KAT6B: variants seen among roughly 807,000 people sequenced by gnomAD.
The protein encoded by KAT6B is histone acetyltransferase KAT6B.
Under a neutral mutation model 187.5 loss-of-function variants are expected in KAT6B, and 10 were observed. The observed-to-expected ratio is 0.05, with a 90% CI of 0.03 to 0.09. KAT6B has a LOEUF of 0.09. Among genes scored for constraint, KAT6B ranks in the 10% least tolerant of loss-of-function variants. KAT6B has a pLI of 1.00. For missense variants in KAT6B, 1,952 were observed against 2,558.9 expected (o/e 0.76, Z 5.12); for synonymous variants, 861 against 926.8 (o/e 0.93, Z 1.29).
intron 3 of KAT6B, among the ~76,000 whole-genome samples, chr10:74,958,636 A>G (rs940955308): frequency 6.6e-6 from 1 of 152,214 alleles, no homozygotes; most frequent in Non-Finnish European, 1.5e-5. Context: ...GTAAATAACA[A>G]TGGAAATACT....
At chr10:75,013,972 G>A (rs1351201014) in intron 13 of KAT6B, among the ~76,000 whole-genome samples, 2 of 152,192 alleles carry the variant, frequency 1.3e-5, no homozygotes, top group Admixed American at 6.5e-5. Context: ...CGGGTGCCCT[G>A]TTACCCAGCT....
chr10:74,833,838 G>T (rs936149160), intron 1 of KAT6B, among the ~76,000 whole-genome samples: 1 of 152,212 alleles, frequency 6.6e-6, no homozygotes, highest in Non-Finnish European at 1.5e-5. Flanking sequence ...TTGTTAATGA[G>T]TAGTGGGAAA....
At position 74,956,090 on chromosome 10, in the gene KAT6B, A is replaced by AT. The variant is rs577194206; in HGVS notation, c.622-3873dup. ...AGGCATGCGCCACCATGCCTGCCTA[A>AT]TTTTTTTATTTTGTAGAGCTGGGGT... On this transcript the variant is annotated intron_variant, in intron 3 of 17. Coordinates refer to ENST00000287239, the MANE Select transcript of KAT6B (RefSeq NM_012330.4). 3.3e-5 allele frequency among the ~76,000 whole-genome samples: 5 copies of AT among 151,964 alleles called. No individual in the cohort carries two copies. The East Asian group carries it at 9.7e-4, about 29-fold the overall frequency.
At chr10:74,971,255 T>G (rs1841830957) in intron 6 of KAT6B, among the ~76,000 whole-genome samples, 1 of 152,212 alleles carries the variant, frequency 6.6e-6, no homozygotes, top group Non-Finnish European at 1.5e-5. Flanking sequence ...TTGAAATAAA[T>G]TCCTAGAGGA....
At chr10:74,865,706 G>A (rs1843507186) in intron 3 of KAT6B, among the ~76,000 whole-genome samples, 1 of 152,020 alleles carries the variant, frequency 6.6e-6, no homozygotes, top group African/African-American at 2.4e-5. Flanking sequence ...AGTAGAGAGG[G>A]AGTTTCACTG....
At chr10:74,972,077 A>G (rs1291413362) in intron 6 of KAT6B, among the ~76,000 whole-genome samples, 1 of 152,138 alleles carries the variant, frequency 6.6e-6, no homozygotes, top group Non-Finnish European at 1.5e-5. Context: ...ATTATATTTT[A>G]TACTGATAAT....
Position 75,031,109 on chromosome 10 carries a change from T to A in KAT6B, c.*63T>A. ...TATTGGATTGATCTGCACAAATACC[T>A]TTGAAGAGTACGATTTCAAAACCAG... is the stretch of plus-strand genomic sequence containing the variant. On this transcript the variant is annotated 3_prime_UTR_variant, in exon 18 of 18. Transcript: ENST00000287239. The A allele has an allele frequency of 6.3e-7, 1 of 1,581,488 alleles. No individual in the cohort carries two copies. Among genetic ancestry groups the A allele is most frequent in the Non-Finnish European group, 8.6e-7 (1 of 1,157,846 alleles).
At chr10:74,969,022 T>C (rs1841676732) in intron 4 of KAT6B, among the ~76,000 whole-genome samples, 1 of 152,190 alleles carries the variant, frequency 6.6e-6, no homozygotes, top group Non-Finnish European at 1.5e-5. Flanking sequence ...CCTGGATCTC[T>C]CAGCTTCTTA....
At position 75,032,176 on chromosome 10, in the gene KAT6B, C is replaced by T. The variant is rs1312316885; in HGVS notation, c.*1130C>T. The T allele has an allele frequency of 5.1e-6, 1 of 194,550 alleles. No homozygotes were observed. The highest frequency in any genetic ancestry group is 2.3e-5 in the African/African-American group (1 of 43,090). The allele number at this position is 194,550 out of a possible 1,614,324, so 12.1% of individuals were successfully genotyped here. A position where few individuals can be genotyped will look rare whatever the true frequency, so the allele number is the denominator to read the frequency against. On this transcript the variant is annotated 3_prime_UTR_variant, in exon 18 of 18. Transcript: ENST00000287239. Reference sequence around the variant, plus strand: ...CGTAATCCTTGTATAAAATAGGATCCAGCGACACTCTTGTATTTATCTGTT... The same window carrying T: ...CGTAATCCTTGTATAAAATAGGATCTAGCGACACTCTTGTATTTATCTGTT...
chr10:74,988,938 T>G, intron 12 of KAT6B, 81 bp from the exon 13 acceptor site: 2 of 968,240 alleles, frequency 2.1e-6, no homozygotes, highest in Admixed American at 3.4e-5. Context: ...GTGGACAGTT[T>G]TACAAGGACA....
chr10:74,891,697 T>C (rs1845654723), intron 3 of KAT6B, among the ~76,000 whole-genome samples: 1 of 152,236 alleles, frequency 6.6e-6, no homozygotes, highest in Non-Finnish European at 1.5e-5. Context: ...ATTTTTTTGT[T>C]GACTCTGACT....
At position 74,954,790 on chromosome 10, in the gene KAT6B, A is replaced by G. The variant is rs567840183; in HGVS notation, c.622-5180A>G. ...TTAATCTAGCGATTCTTCTGTATCT[A>G]TTTTTTGCTCGCCTATTCACTTGGT... On this transcript the variant is annotated intron_variant, in intron 3 of 17. Transcript: ENST00000287239. 3.3e-5 allele frequency among the ~76,000 whole-genome samples: 5 copies of G among 152,132 alleles called. No individual in the cohort carries two copies. In the South Asian group the frequency reaches 6.2e-4, roughly 19 times the overall value.
chr10:74,828,809 T>C (rs1246438247), intron 1 of KAT6B, among the ~76,000 whole-genome samples: 1 of 151,952 alleles, frequency 6.6e-6, no homozygotes, highest in Admixed American at 6.5e-5. Context: ...CCTTGTGATC[T>C]GCCCGCCTCG....
chr10:74,834,718 TTG>T (rs1841154834), intron 1 of KAT6B, among the ~76,000 whole-genome samples: 1 of 142,270 alleles, frequency 7.0e-6, no homozygotes, highest in African/African-American at 3.1e-5. Context: ...TAGGGTCTTG[TTG>T]TGTTGCCTAG....
At chr10:74,929,060 T>C (rs1021291716) in intron 3 of KAT6B, among the ~76,000 whole-genome samples, 5 of 152,244 alleles carry the variant, frequency 3.3e-5, no homozygotes, top group African/African-American at 1.2e-4. Flanking sequence ...TTGGGCTTTG[T>C]ACTGGGAAGT....
At chr10:74,882,347 C>T (rs1844912050) in intron 3 of KAT6B, among the ~76,000 whole-genome samples, 3 of 152,204 alleles carry the variant, frequency 2.0e-5, no homozygotes, top group East Asian at 1.9e-4. Flanking sequence ...ACAGTAATTT[C>T]GTTCTGCAGC....
intron 3 of KAT6B, among the ~76,000 whole-genome samples, chr10:74,893,121 A>G (rs1195260881): frequency 2.6e-5 from 4 of 152,216 alleles, no homozygotes; most frequent in Non-Finnish European, 4.4e-5. Context: ...AGCTGAGTCA[A>G]AGGGCACCCG....
At chr10:74,892,625 T>C (rs1445442725) in intron 3 of KAT6B, among the ~76,000 whole-genome samples, 2 of 152,042 alleles carry the variant, frequency 1.3e-5, no homozygotes, top group Non-Finnish European at 2.9e-5. Context: ...AGGGAGCTCT[T>C]GCCTGGGGGA....
chr10:75,020,870 T>TGCA, intron 14 of KAT6B, 57 bp downstream of exon 14: 1 of 1,400,666 alleles, frequency 7.1e-7, no homozygotes, highest in Non-Finnish European at 1.0e-6. Flanking sequence ...CCAGAAAGGG[T>TGCA]CCCTGGAGAT....
Sources: gnomAD v4.1 joint callset for allele counts (sites outside exome capture counted in the v4.1 genomes callset) on GRCh38, gnomAD v4.1.1 for gene constraint, MANE v1.5 for transcripts, NCBI Gene and HGNC (gene_info 2026-07-23, HGNC 2026-07-21) for gene names.